Variants in SLC24A3 observed in about 807,000 individuals in gnomAD.
SLC24A3 encodes sodium/potassium/calcium exchanger 3.
Under a neutral mutation model 75.8 loss-of-function variants are expected in SLC24A3, and 28 were observed. The observed-to-expected ratio is 0.37, with a 90% CI of 0.27 to 0.51. The LOEUF (loss-of-function observed/expected upper bound fraction) is 0.51, where lower values mean the gene tolerates loss of function less well. Among genes scored for constraint, SLC24A3 ranks in the 20% least tolerant of loss-of-function variants. SLC24A3 has a pLI of 0.94. For synonymous variants in SLC24A3, 372 were observed against 334.1 expected (o/e 1.11, Z -1.24); for missense variants, 663 against 847.8 (o/e 0.78, Z 2.71).
chr20:19,571,997 AG>A (rs2031059219), intron 3 of SLC24A3, among the ~76,000 whole-genome samples: 1 of 152,214 alleles, frequency 6.6e-6, no homozygotes, highest in Non-Finnish European at 1.5e-5. Flanking sequence ...AAACATCAGT[AG>A]GGGAATAGAA....
intron 2 of SLC24A3, among the ~76,000 whole-genome samples, chr20:19,289,350 A>G (rs1266298716): frequency 6.6e-6 from 1 of 152,214 alleles, no homozygotes; most frequent in African/African-American, 2.4e-5. Context: ...GGGTCTCCAG[A>G]CCACATGTCT....
At chr20:19,273,017 C>T (rs556433315) in intron 1 of SLC24A3, among the ~76,000 whole-genome samples, 1 of 152,264 alleles carries the variant, frequency 6.6e-6, no homozygotes, top group East Asian at 1.9e-4. Flanking sequence ...GCTTTCCCAT[C>T]TTTGTGCCAC....
At chr20:19,416,810 C>T (rs1306926920) in intron 2 of SLC24A3, among the ~76,000 whole-genome samples, 1 of 152,128 alleles carries the variant, frequency 6.6e-6, no homozygotes, top group Non-Finnish European at 1.5e-5. Flanking sequence ...GTGCTAAGTA[C>T]TTGAGATGTG....
intron 2 of SLC24A3, among the ~76,000 whole-genome samples, chr20:19,372,246 T>C (rs1179581539): frequency 1.3e-5 from 2 of 152,198 alleles, no homozygotes; most frequent in South Asian, 2.1e-4. Context: ...TGTATTTGTT[T>C]GGAATCTTCT....
intron 2 of SLC24A3, among the ~76,000 whole-genome samples, chr20:19,471,327 C>A (rs1439733921): frequency 6.6e-6 from 1 of 152,212 alleles, no homozygotes; most frequent in Non-Finnish European, 1.5e-5. Context: ...GACAGATTCA[C>A]AGAAACTGCC....
intron 2 of SLC24A3, among the ~76,000 whole-genome samples, chr20:19,427,069 A>C (rs558834708): frequency 9.7e-4 from 148 of 151,926 alleles, no homozygotes; most frequent in Non-Finnish European, 1.8e-3. Flanking sequence ...GTGTGTGTGC[A>C]TGTGTGTGTG....
chr20:19,423,345 A>C (rs1262614493), intron 2 of SLC24A3, among the ~76,000 whole-genome samples: 1 of 152,180 alleles, frequency 6.6e-6, no homozygotes, highest in Non-Finnish European at 1.5e-5. Context: ...TCCTAGCAGC[A>C]GGGTGAGTGC....
chr20:19,467,880 C>CAA (rs58937169), intron 2 of SLC24A3, among the ~76,000 whole-genome samples: 14 of 104,554 alleles, frequency 1.3e-4, no homozygotes, highest in East Asian at 1.2e-3. Context: ...GACCCTGTCT[C>CAA]AAAAAAAAAA....
intron 6 of SLC24A3, among the ~76,000 whole-genome samples, chr20:19,640,823 CAGAT>C (rs2032068159): frequency 6.6e-6 from 1 of 152,124 alleles, no homozygotes; most frequent in African/African-American, 2.4e-5. Context: ...AAGTTAAAAT[CAGAT>C]AGAAATAGGA....
intron 4 of SLC24A3, among the ~76,000 whole-genome samples, chr20:19,583,653 A>G (rs1250401036): frequency 6.6e-6 from 1 of 152,236 alleles, no homozygotes; most frequent in Non-Finnish European, 1.5e-5. Flanking sequence ...CTAATACCCC[A>G]GCAGGACAGA....
At chr20:19,544,816 G>A (rs913995111) in intron 3 of SLC24A3, among the ~76,000 whole-genome samples, 24 of 152,084 alleles carry the variant, frequency 1.6e-4, no homozygotes, top group Admixed American at 6.6e-4. Context: ...GAAAGGGAGC[G>A]GACAGGAACC....
intron 3 of SLC24A3, among the ~76,000 whole-genome samples, chr20:19,547,083 T>C (rs966094450): frequency 6.6e-6 from 1 of 152,240 alleles, no homozygotes; most frequent in African/African-American, 2.4e-5. Context: ...GCACTATTCC[T>C]GTGGTAGCTA....
At chr20:19,711,949 TTTTGTTTG>T (rs369245728) in intron 15 of SLC24A3, among the ~76,000 whole-genome samples, 3 of 151,720 alleles carry the variant, frequency 2.0e-5, no homozygotes, top group Non-Finnish European at 4.4e-5. Flanking sequence ...CAGATGCTCA[TTTTGTTTG>T]TTTGTTTGGG....
Position 19,584,970 on chromosome 20 carries a change from G to A in SLC24A3, c.424-1G>A, listed in dbSNP as rs1422854514. ...TGTGCTTTGTCTTTGCTCCTCTGTA[G>A]CGCCTGCACCTCAGTGAAGATGTGG... On this transcript the variant is annotated splice_acceptor_variant, in intron 4 of 16. Transcript: ENST00000328041. LOFTEE classifies it high-confidence loss of function. 1 of 1,613,050 alleles carries A rather than the reference G, an allele frequency of 6.2e-7. No individual in the cohort carries two copies. Among genetic ancestry groups the A allele is most frequent in the Admixed American group, 1.7e-5 (1 of 59,960 alleles).
At chr20:19,268,259 C>T (rs560268822) in intron 1 of SLC24A3, among the ~76,000 whole-genome samples, 15 of 152,104 alleles carry the variant, frequency 9.9e-5, no homozygotes, top group South Asian at 4.2e-4. Flanking sequence ...CAAGTGCACT[C>T]GGTGCAGGTG....
intron 2 of SLC24A3, among the ~76,000 whole-genome samples, chr20:19,470,651 T>G (rs1243950653): frequency 6.6e-6 from 1 of 152,166 alleles, no homozygotes; most frequent in African/African-American, 2.4e-5. Context: ...GCGCTGACAT[T>G]AACCATGCAA....
At chr20:19,232,089 T>A (rs1410064698) in intron 1 of SLC24A3, among the ~76,000 whole-genome samples, 1 of 152,202 alleles carries the variant, frequency 6.6e-6, no homozygotes, top group East Asian at 1.9e-4. Flanking sequence ...AACTTTTATC[T>A]TGTGGTGGAA....
chr20:19,351,827 T>G (rs1001813833), intron 2 of SLC24A3, among the ~76,000 whole-genome samples: 2 of 152,174 alleles, frequency 1.3e-5, no homozygotes, highest in South Asian at 4.1e-4. Flanking sequence ...AATGCCTTCA[T>G]CTGGGATGCT....
intron 15 of SLC24A3, among the ~76,000 whole-genome samples, chr20:19,707,879 G>A (rs1368688552): frequency 6.6e-6 from 1 of 152,198 alleles, no homozygotes; most frequent in Non-Finnish European, 1.5e-5. Flanking sequence ...GTAGGTAGTG[G>A]AAATGATAGG....
Sources: gnomAD v4.1 joint callset for allele counts (sites outside exome capture counted in the v4.1 genomes callset) on GRCh38, gnomAD v4.1.1 for gene constraint, MANE v1.5 for transcripts, NCBI Gene and HGNC (gene_info 2026-07-23, HGNC 2026-07-21) for gene names.